CNTN4: variants seen among roughly 807,000 people sequenced by gnomAD.
The protein encoded by CNTN4 is contactin 4, also known as contactin-4.
Under a neutral mutation model 122.5 loss-of-function variants are expected in CNTN4, and 77 were observed. The observed-to-expected ratio is 0.63, with a 90% CI of 0.52 to 0.76. The LOEUF is 0.76. CNTN4 is among the 30% of genes least tolerant of loss of function. The probability of loss-of-function intolerance (pLI) is 0.00; values close to 1 mark genes in which losing one functional copy is unlikely to be tolerated. For synonymous variants in CNTN4, 512 were observed against 447.0 expected, an observed-to-expected ratio of 1.15 and a Z score of -1.83; for missense variants, 1,256 against 1,259.1, an observed-to-expected ratio of 1.00 and a Z score of 0.04.
intron 3 of CNTN4, among the ~76,000 whole-genome samples, chr3:2,349,720 G>A (rs555354756): frequency 1.3e-5 from 2 of 152,270 alleles, no homozygotes; most frequent in African/African-American, 2.4e-5. Context: ...CTCTGATTTT[G>A]CAAACACGTG....
chr3:2,784,773 C>T lies in CNTN4; in HGVS notation c.359-34713C>T, dbSNP rs368766109. ...GTATTTAATCTCTGAACTTCATTTC[C>T]CCCTCTGATAAAAGAGATAATATGA... On this transcript the variant is annotated intron_variant, in intron 6 of 24. Transcript: ENST00000418658. 1.2e-4 allele frequency among the ~76,000 whole-genome samples: 18 copies of T among 152,226 alleles called. No homozygotes were observed. The East Asian group carries it at 3.5e-3, about 29-fold the overall frequency.
chr3:2,878,779 T>C (rs982977451), intron 8 of CNTN4, among the ~76,000 whole-genome samples: 1 of 152,094 alleles, frequency 6.6e-6, no homozygotes, highest in Non-Finnish European at 1.5e-5. Flanking sequence ...CATTATTTGG[T>C]GTAATATGTT....
chr3:2,898,962 C>G (rs80295665), intron 10 of CNTN4, among the ~76,000 whole-genome samples: 11,177 of 152,244 alleles, frequency 0.073, 454 homozygotes, highest in Middle Eastern at 0.16. Flanking sequence ...ACTTGCAGCT[C>G]TTTTAAGGGT....
At chr3:2,232,867 T>C (rs998843002) in intron 2 of CNTN4, among the ~76,000 whole-genome samples, 2 of 152,196 alleles carry the variant, frequency 1.3e-5, no homozygotes, top group African/African-American at 4.8e-5. Flanking sequence ...CTAAATGAGA[T>C]GACTTTATTA....
chr3:2,693,196 A>G (rs1327651100), intron 4 of CNTN4, among the ~76,000 whole-genome samples: 1 of 152,138 alleles, frequency 6.6e-6, no homozygotes, highest in Non-Finnish European at 1.5e-5. Context: ...TGTTTCTTTG[A>G]GCTAAAATTT....
intron 3 of CNTN4, among the ~76,000 whole-genome samples, chr3:2,365,013 A>G (rs2045316972): frequency 6.6e-6 from 1 of 152,130 alleles, no homozygotes; most frequent in Non-Finnish European, 1.5e-5. Flanking sequence ...ACAATACTTG[A>G]TATTTCGTGT....
At chr3:2,690,339 G>A (rs1053525407) in intron 4 of CNTN4, among the ~76,000 whole-genome samples, 3 of 152,082 alleles carry the variant, frequency 2.0e-5, no homozygotes, top group Non-Finnish European at 4.4e-5. Flanking sequence ...AGTCCCAAGT[G>A]TGTTCGTTTC....
chr3:2,917,389 T>TA (rs2094380576), intron 12 of CNTN4, among the ~76,000 whole-genome samples: 1 of 148,234 alleles, frequency 6.7e-6, no homozygotes, highest in Non-Finnish European at 1.5e-5. Flanking sequence ...TACCACAATT[T>TA]AAAAAATAGA....
At chr3:2,329,766 G>A (rs1463217565) in intron 2 of CNTN4, among the ~76,000 whole-genome samples, 4 of 151,872 alleles carry the variant, frequency 2.6e-5, no homozygotes, top group Admixed American at 2.6e-4. Flanking sequence ...CCTTTGCTTT[G>A]TACCAGGAAA....
At chr3:2,796,403 A>C (rs907394808) in intron 6 of CNTN4, among the ~76,000 whole-genome samples, 4 of 152,160 alleles carry the variant, frequency 2.6e-5, no homozygotes, top group Admixed American at 6.5e-5. Flanking sequence ...ATCTTTTGGC[A>C]TACCCTAATC....
intron 10 of CNTN4, among the ~76,000 whole-genome samples, chr3:2,895,889 C>T (rs183825695): frequency 1.6e-4 from 25 of 152,138 alleles, no homozygotes; most frequent in East Asian, 5.8e-4. Flanking sequence ...AAAAATTAGC[C>T]GAGCGTGGTG....
At chr3:2,505,925 A>G (rs1370042436) in intron 3 of CNTN4, among the ~76,000 whole-genome samples, 1 of 152,346 alleles carries the variant, frequency 6.6e-6, no homozygotes, top group South Asian at 2.1e-4. Context: ...TTCTGAAAGC[A>G]TGGAGGAAGA....
At chr3:2,391,707 T>C (rs762657247) in intron 3 of CNTN4, among the ~76,000 whole-genome samples, 2 of 152,162 alleles carry the variant, frequency 1.3e-5, no homozygotes, top group African/African-American at 4.8e-5. Context: ...AAGCTTTGCA[T>C]TGGAAATTTA....
At chr3:2,115,861 T>TA (rs2033314248) in intron 2 of CNTN4, among the ~76,000 whole-genome samples, 1 of 152,232 alleles carries the variant, frequency 6.6e-6, no homozygotes, top group Admixed American at 6.5e-5. Context: ...AGCTAATACT[T>TA]AAAGACTCTT....
At chr3:2,200,811 T>C (rs1275256382) in intron 2 of CNTN4, among the ~76,000 whole-genome samples, 1 of 152,180 alleles carries the variant, frequency 6.6e-6, no homozygotes, top group South Asian at 2.1e-4. Flanking sequence ...TTGAATGTGA[T>C]ACTTTGGGCC....
At chr3:2,231,864 C>T (rs1305429394) in intron 2 of CNTN4, among the ~76,000 whole-genome samples, 1 of 152,018 alleles carries the variant, frequency 6.6e-6, no homozygotes, top group Non-Finnish European at 1.5e-5. Flanking sequence ...ATTCAGATTG[C>T]AAGGATTTTG....
intron 2 of CNTN4, among the ~76,000 whole-genome samples, chr3:2,295,521 G>T (rs2042278634): frequency 6.6e-6 from 1 of 151,398 alleles, no homozygotes; most frequent in South Asian, 2.1e-4. Context: ...TTTTTGATGG[G>T]GTTGTTTGTT....
intron 7 of CNTN4, among the ~76,000 whole-genome samples, chr3:2,840,452 G>A (rs2093331446): frequency 6.6e-6 from 1 of 150,872 alleles, no homozygotes; most frequent in Non-Finnish European, 1.5e-5. Context: ...TGTCATCCCA[G>A]CACTTTGGGA....
intron 2 of CNTN4, among the ~76,000 whole-genome samples, chr3:2,121,496 CA>C (rs201166713): frequency 0.27 from 26,558 of 97,872 alleles, 2,373 homozygotes; most frequent in Admixed American, 0.35. Context: ...GACTCCGTCT[CA>C]AAAAAAAAAA....
Sources: allele counts gnomAD v4.1 joint callset (sites outside exome capture counted in the v4.1 genomes callset), GRCh38; gene constraint gnomAD v4.1.1; transcripts MANE v1.5; gene names NCBI Gene and HGNC (gene_info 2026-07-23, HGNC 2026-07-21).